Variants in HP1BP3 observed in about 807,000 individuals in gnomAD.
HP1BP3 encodes heterochromatin protein 1-binding protein 3.
Under a neutral mutation model 62.5 loss-of-function variants are expected in HP1BP3, and 12 were observed. That is an observed-to-expected ratio of 0.19 (90% CI 0.12 to 0.31). The LOEUF (loss-of-function observed/expected upper bound fraction) is 0.31. Ranked by LOEUF, HP1BP3 falls within the 10% of genes least tolerant of loss-of-function variation. HP1BP3 has a pLI of 1.00. For synonymous variants in HP1BP3, 260 were observed against 237.8 expected, an observed-to-expected ratio of 1.09 and a Z score of -0.86; for missense variants, 502 against 651.8, an observed-to-expected ratio of 0.77 and a Z score of 2.50.
At chr1:20,762,509 A>C (rs963541649) in intron 8 of HP1BP3, among the ~76,000 whole-genome samples, 7 of 152,308 alleles carry the variant, frequency 4.6e-5, no homozygotes, top group African/African-American at 1.7e-4. Context: ...CACAAACCCT[A>C]ATCACGAATC....
chr1:20,781,165 T>TA lies in HP1BP3; in HGVS notation c.-100-626dup, dbSNP rs534435764. Among the ~76,000 whole-genome samples the TA allele has an allele frequency of 1.4e-3, 219 of 152,094 alleles. 5 individuals are homozygous for TA. Among genetic ancestry groups the TA allele is most frequent in the Admixed American group, 0.012 (185 of 15,258 alleles). ...AAGAATATAATTAAATATTCAAAGATAAAAACCCATGCAGTCACCCAAGTT... is the reference window on the plus strand; with the variant it reads ...AAGAATATAATTAAATATTCAAAGATAAAAAACCCATGCAGTCACCCAAGTT... On this transcript the variant is annotated intron_variant, in intron 1 of 12. Coordinates refer to ENST00000438032, the MANE Select transcript of HP1BP3 (RefSeq NM_001372052.1).
At chr1:20,763,837 T>C (rs536631801) in intron 8 of HP1BP3, among the ~76,000 whole-genome samples, 28 of 152,354 alleles carry the variant, frequency 1.8e-4, no homozygotes, top group Middle Eastern at 3.4e-3. Context: ...ACAGGTGTTA[T>C]TGAAGCCTGA....
At position 20,741,879 on chromosome 1, in the gene HP1BP3, A is replaced by T. The variant is rs1210090820; in HGVS notation, c.*2918T>A. ...TCTGAACATGGAAGTAAAAATTATA[A>T]ATGTGTTCTGCTCCTTTGGAATGCC... On this transcript the variant is annotated 3_prime_UTR_variant, in exon 13 of 13. Coordinates refer to ENST00000438032, the MANE Select transcript of HP1BP3 (RefSeq NM_001372052.1). Among the ~76,000 whole-genome samples the T allele has an allele frequency of 6.6e-6, 1 of 152,202 alleles. No homozygotes were observed. Among genetic ancestry groups the T allele is most frequent in the Admixed American group, 6.5e-5 (1 of 15,276 alleles).
At chr1:20,764,875 CAA>C (rs1219583949) in intron 8 of HP1BP3, among the ~76,000 whole-genome samples, 5 of 133,146 alleles carry the variant, frequency 3.8e-5, no homozygotes, top group Non-Finnish European at 3.3e-5. Context: ...GACTTCATCT[CAA>C]AAAAAAAAAG....
chr1:20,785,703 G>A lies in HP1BP3; in HGVS notation c.-101+1492C>T, dbSNP rs137959976. Among the ~76,000 whole-genome samples, 21 of 152,268 alleles carry A rather than the reference G, an allele frequency of 1.4e-4. No individual in the cohort carries two copies. The East Asian group carries it at 4.0e-3, about 29-fold the overall frequency. ...TCCGGAAATGAAGAGTTCAGTATAC[G>A]TTCTCCACTAACTTCCAGCCCTACA... On this transcript the variant is annotated intron_variant, in intron 1 of 12. Coordinates refer to ENST00000438032, the MANE Select transcript of HP1BP3 (RefSeq NM_001372052.1).
chr1:20,768,819 C>T (rs1471216713), intron 6 of HP1BP3, among the ~76,000 whole-genome samples: 1 of 151,496 alleles, frequency 6.6e-6, no homozygotes, highest in Non-Finnish European at 1.5e-5. Context: ...CAGAGCGAGA[C>T]TCCATCTCAA....
chr1:20,780,488 G>A lies in HP1BP3; in HGVS notation c.-48C>T. The stretch of plus-strand genomic sequence containing the variant: ...GTACAGGTTACACTCTGAAGCCTCT[G>A]CTGTTAACCACAAGGATTTTTCCTA... On this transcript the variant is annotated 5_prime_UTR_variant, in exon 2 of 13. Coordinates refer to ENST00000438032, the MANE Select transcript of HP1BP3 (RefSeq NM_001372052.1). 2 of 1,314,364 alleles carry A rather than the reference G, an allele frequency of 1.5e-6. No homozygotes were observed. Among genetic ancestry groups the A allele is most frequent in the Non-Finnish European group, 1.1e-6 (1 of 907,910 alleles). The allele number at this position is 1,314,364 out of a possible 1,614,324, so 81.4% of individuals were successfully genotyped here.
At chr1:20,777,133 G>A (rs924850769) in intron 3 of HP1BP3, among the ~76,000 whole-genome samples, 2 of 151,992 alleles carry the variant, frequency 1.3e-5, no homozygotes, top group Non-Finnish European at 2.9e-5. Flanking sequence ...TCTCCAAGAG[G>A]AATGACTGAA....
intron 9 of HP1BP3, chr1:20,750,360 CACACACACACACACACACA>C (rs1305028269): frequency 7.8e-5 from 5 of 64,062 alleles, no homozygotes; most frequent in African/African-American, 2.4e-4. Context: ...CACACACACA[CACACACACACACACACACA>C]AAATAGCCAG....
intron 8 of HP1BP3, among the ~76,000 whole-genome samples, chr1:20,764,304 G>A (rs1570615310): frequency 6.6e-6 from 1 of 151,230 alleles, no homozygotes; most frequent in East Asian, 2.0e-4. Context: ...TAAAGGCTAA[G>A]AATAAATTAG....
At chr1:20,765,594 A>C in intron 7 of HP1BP3, 63 bp from the exon 8 acceptor site, 410 of 1,333,742 alleles carry the variant, frequency 3.1e-4, no homozygotes, top group Non-Finnish European at 3.9e-4. Context: ...CATACAACTC[A>C]AGGGCTTTCC....
chr1:20,783,720 A>G (rs1344376938), intron 1 of HP1BP3, among the ~76,000 whole-genome samples: 1 of 140,280 alleles, frequency 7.1e-6, no homozygotes, highest in Non-Finnish European at 1.5e-5. Context: ...CAGTGAGCCG[A>G]GATCATGCCA....
intron 8 of HP1BP3, among the ~76,000 whole-genome samples, chr1:20,763,026 C>T (rs937658138): frequency 6.6e-6 from 1 of 152,016 alleles, no homozygotes; most frequent in South Asian, 2.1e-4. Flanking sequence ...CCGTAATGAG[C>T]GGGTTGTTTA....
Position 20,744,119 on chromosome 1 carries a change from G to A in HP1BP3, c.*678C>T, listed in dbSNP as rs1461326377. The A allele has an allele frequency of 4.6e-5, 7 of 152,658 alleles. No individual in the cohort carries two copies. Among genetic ancestry groups the A allele is most frequent in the African/African-American group, 1.4e-4 (6 of 41,542 alleles). 9.5% of individuals were successfully genotyped at this position (152,658 alleles called of 1,614,324 possible). A position where few individuals can be genotyped will look rare whatever the true frequency, so the allele number is the denominator to read the frequency against. ...AAAAAACAAGTGATATAGAGAACTT[G>A]TGCTTGCTGTTAAGGGAATGCAATA... On this transcript the variant is annotated 3_prime_UTR_variant, in exon 13 of 13. Transcript: ENST00000438032.
At chr1:20,773,660 G>A (rs190902377) in intron 4 of HP1BP3, 50 bp from the exon 5 acceptor site, 48 of 1,290,606 alleles carry the variant, frequency 3.7e-5, no homozygotes, top group South Asian at 3.7e-5. Flanking sequence ...CTAGAAAGAC[G>A]TATAAAGTCA....
intron 5 of HP1BP3, among the ~76,000 whole-genome samples, chr1:20,772,525 T>C (rs545907862): frequency 2.0e-5 from 3 of 151,898 alleles, no homozygotes; most frequent in African/African-American, 7.2e-5. Context: ...GCATAAGAAG[T>C]CTTGAAGGAG....
intron 9 of HP1BP3, among the ~76,000 whole-genome samples, chr1:20,756,332 C>A (rs2056105352): frequency 1.3e-5 from 2 of 151,994 alleles, no homozygotes; most frequent in African/African-American, 2.4e-5. Context: ...GGAACAGATA[C>A]TAGCTGTCTT....
In HP1BP3 at chr1:20,750,816, CTT is replaced by C. The variant is rs767621434; in HGVS notation, c.982-936_982-935del. On this transcript the variant is annotated intron_variant, in intron 9 of 12. Transcript: ENST00000438032. ...AATGAACAATAAATATATTTTCTCT[CTT>C]TTTTTTTTTTTTTTTTTGAGACAGA... 5.5e-3 allele frequency among the ~76,000 whole-genome samples: 641 copies of C among 116,516 alleles called. 2 individuals are homozygous for C. Among genetic ancestry groups the C allele is most frequent in the East Asian group, 0.018 (72 of 3,948 alleles). 76.4% of individuals were successfully genotyped at this position (116,516 alleles called of 152,430 possible). A position where few individuals can be genotyped will look rare whatever the true frequency, so the allele number is the denominator to read the frequency against.
intron 9 of HP1BP3, among the ~76,000 whole-genome samples, chr1:20,750,828 T>TA (rs889391528): frequency 1.3e-5 from 2 of 148,824 alleles, no homozygotes; most frequent in Non-Finnish European, 3.0e-5. Context: ...TTTTTTTTTT[T>TA]TTTTTTTGAG....
Sources: allele counts gnomAD v4.1 joint callset (sites outside exome capture counted in the v4.1 genomes callset), GRCh38; gene constraint gnomAD v4.1.1; transcripts MANE v1.5; gene names NCBI Gene and HGNC (gene_info 2026-07-23, HGNC 2026-07-21).